DMD: variants seen among roughly 807,000 people sequenced by gnomAD.
DMD encodes the protein dystrophin.
In DMD, 63 loss-of-function variants were observed where a neutral mutation model predicts 330.1. The observed-to-expected ratio is 0.19, with a 90% CI of 0.16 to 0.24. The LOEUF is 0.24. Ranked by LOEUF, DMD falls within the 10% of genes least tolerant of loss-of-function variation. The pLI is 1.00. For missense variants in DMD, 3,344 were observed against 2,684.1 expected (o/e 1.25, Z -5.43); for synonymous variants, 1,223 against 959.8 (o/e 1.27, Z -5.07).
intron 1 of DMD, among the ~76,000 whole-genome samples, chrX:33,165,782 A>G (rs989071523): frequency 9.0e-6 from 1 of 111,492 alleles, no homozygotes; most frequent in Non-Finnish European, 1.9e-5. Flanking sequence ...TGATTTTGTA[A>G]TTTGCAATGC....
intron 26 of DMD, among the ~76,000 whole-genome samples, chrX:32,449,974 C>T (rs758388058): frequency 6.8e-4 from 75 of 110,947 alleles, no homozygotes; most frequent in African/African-American, 2.3e-3. Flanking sequence ...TGTTAGAAAG[C>T]CCTGAGAAAT....
intron 17 of DMD, among the ~76,000 whole-genome samples, chrX:32,527,304 G>A (rs760565352): frequency 8.9e-6 from 1 of 112,039 alleles, no homozygotes; most frequent in East Asian, 2.8e-4. Context: ...AAATAATTTT[G>A]GAGGTAAGAT....
chrX:31,745,866 T>A (rs1428907493), intron 51 of DMD, among the ~76,000 whole-genome samples: 1 of 111,473 alleles, frequency 9.0e-6, no homozygotes. Context: ...TCTCTGGAAA[T>A]ACAACTTCAA....
intron 1 of DMD, among the ~76,000 whole-genome samples, chrX:33,338,175 A>C (rs1284592413): frequency 7.2e-5 from 8 of 111,683 alleles, no homozygotes; most frequent in Non-Finnish European, 1.1e-4. Flanking sequence ...GATTATTTCA[A>C]TATGTTCAGT....
chrX:31,146,187 G>A (rs2036673495), intron 76 of DMD, 104 bp downstream of exon 76: 10 of 994,189 alleles, frequency 1.0e-5, no homozygotes, highest in Non-Finnish European at 1.4e-5. Flanking sequence ...GTGGCTCCCT[G>A]ATACCAAGAT....
intron 6 of DMD, among the ~76,000 whole-genome samples, chrX:32,810,236 G>A (rs191634402): frequency 4.8e-4 from 54 of 111,695 alleles, no homozygotes; most frequent in African/African-American, 1.7e-3. Context: ...AATAATCTAC[G>A]CTAGCTTATC....
intron 1 of DMD, among the ~76,000 whole-genome samples, chrX:33,262,186 T>A (rs2052968714): frequency 9.0e-6 from 1 of 111,435 alleles, no homozygotes; most frequent in South Asian, 3.6e-4. Flanking sequence ...AGTAAATGAA[T>A]CAATTTTAAA....
At chrX:31,275,520 C>T (rs764441274) in intron 62 of DMD, among the ~76,000 whole-genome samples, 11 of 110,745 alleles carry the variant, frequency 9.9e-5, no homozygotes, top group Non-Finnish European at 1.5e-4. Flanking sequence ...AGAAACAGGT[C>T]GACAAAGAAT....
At chrX:31,697,830 A>G (rs1232286465) in intron 52 of DMD, among the ~76,000 whole-genome samples, 1 of 111,965 alleles carries the variant, frequency 8.9e-6, no homozygotes, top group East Asian at 2.8e-4. Flanking sequence ...GATTTTTAGA[A>G]AGCAACTTTG....
chrX:32,655,404 T>C (rs936088193), intron 9 of DMD, among the ~76,000 whole-genome samples: 2 of 112,434 alleles, frequency 1.8e-5, no homozygotes, highest in African/African-American at 6.5e-5. Flanking sequence ...TACCCAGTAG[T>C]CATTCAGCAG....
intron 47 of DMD, among the ~76,000 whole-genome samples, chrX:31,913,001 A>G (rs890796069): frequency 8.9e-6 from 1 of 112,564 alleles, no homozygotes; most frequent in Non-Finnish European, 1.9e-5. Context: ...AAGGAGACAC[A>G]TGGAGAAGAC....
intron 55 of DMD, among the ~76,000 whole-genome samples, chrX:31,523,947 T>C (rs754653529): frequency 4.5e-5 from 5 of 112,291 alleles, no homozygotes; most frequent in Non-Finnish European, 9.4e-5. Context: ...AGCGGTATAG[T>C]TATTTTTAAA....
intron 41 of DMD, among the ~76,000 whole-genome samples, chrX:32,341,775 T>C (rs1357236613): frequency 1.8e-5 from 2 of 111,715 alleles, no homozygotes; most frequent in African/African-American, 6.5e-5. Flanking sequence ...GGATTAGACA[T>C]TGAAGTAAAG....
chrX:31,223,260 C>A, intron 63 of DMD, 139 bp from the exon 64 acceptor site: 1 of 543,106 alleles, frequency 1.8e-6, no homozygotes. Flanking sequence ...ATACGCCAAG[C>A]TTTCGGAGGT....
chrX:32,704,019 G>C (rs1392855381), intron 7 of DMD, among the ~76,000 whole-genome samples: 1 of 111,731 alleles, frequency 9.0e-6, no homozygotes, highest in East Asian at 2.8e-4. Flanking sequence ...AATGAAAATA[G>C]TGAGAACTCA....
intron 74 of DMD, among the ~76,000 whole-genome samples, chrX:31,153,710 G>C (rs1284064608): frequency 9.0e-6 from 1 of 111,515 alleles, no homozygotes; most frequent in East Asian, 2.8e-4. Context: ...AATTCATCAG[G>C]CCAGGATTAA....
At chrX:31,826,690 A>G (rs1015208240) in intron 49 of DMD, among the ~76,000 whole-genome samples, 1 of 112,547 alleles carries the variant, frequency 8.9e-6, no homozygotes, top group African/African-American at 3.2e-5. Context: ...CATGTTAATC[A>G]TCTATAAGCA....
chrX:32,577,936 T>A (rs978574391), intron 13 of DMD, among the ~76,000 whole-genome samples: 1 of 112,455 alleles, frequency 8.9e-6, no homozygotes, highest in Non-Finnish European at 1.9e-5. Context: ...AAATAGATAA[T>A]ACACGAAGTG....
chrX:32,704,792 G>C (rs185885177), intron 7 of DMD, among the ~76,000 whole-genome samples: 29 of 112,204 alleles, frequency 2.6e-4, no homozygotes, highest in African/African-American at 7.8e-4. Context: ...ACTAGCCATA[G>C]CCAGAATGCT....
Sources: allele counts gnomAD v4.1 joint callset (sites outside exome capture counted in the v4.1 genomes callset), GRCh38; gene constraint gnomAD v4.1.1; transcripts MANE v1.5; gene names NCBI Gene and HGNC (gene_info 2026-07-23, HGNC 2026-07-21).